The following MAP3K19 variants were observed in gnomAD, a reference collection of about 807,000 sequenced individuals.
The protein encoded by MAP3K19 is SPS1/STE20-related protein kinase YSK4.
A neutral mutation model predicts 114.4 loss-of-function variants in MAP3K19; 91 were observed. The observed-to-expected ratio is 0.80, with a 90% confidence interval of 0.67 to 0.95. The LOEUF is 0.95. MAP3K19 is among the 40% of genes least tolerant of loss of function. MAP3K19 has a pLI of 0.00. For synonymous variants in MAP3K19, 518 were observed against 530.5 expected (o/e 0.98, Z 0.32); for missense variants, 1,471 against 1,573.2 (o/e 0.94, Z 1.10).
At chr2:134,979,039 C>G (rs1684437824) in intron 12 of MAP3K19, among the ~76,000 whole-genome samples, 1 of 152,168 alleles carries the variant, frequency 6.6e-6, no homozygotes, top group Admixed American at 6.6e-5. Flanking sequence ...TTTAGACTTT[C>G]CCTAGTCTAT....
At chr2:135,023,478 C>T (rs375090886) in intron 4 of MAP3K19, 1 of 533,466 alleles carries the variant, frequency 1.9e-6, no homozygotes, top group African/African-American at 1.9e-5. Context: ...TCCTTTCCCA[C>T]AAGCCCAGTC....
At chr2:135,028,851 T>A (rs1221372187) in intron 3 of MAP3K19, among the ~76,000 whole-genome samples, 1 of 152,072 alleles carries the variant, frequency 6.6e-6, no homozygotes, top group African/African-American at 2.4e-5. Context: ...TTCAGCAGGG[T>A]ACTGTGGGAA....
chr2:135,023,003 A>G (rs888668176), intron 4 of MAP3K19, among the ~76,000 whole-genome samples: 3 of 152,164 alleles, frequency 2.0e-5, no homozygotes, highest in Non-Finnish European at 4.4e-5. Flanking sequence ...CCCTCCTGCT[A>G]TCCTGGCTTC....
In MAP3K19 at chr2:134,964,603, C is replaced by A; in HGVS notation, c.*247G>T. ...GAATGTAGTTCCTGGACAATCAAAACTGTAAACACTGAAATAGTTTTTTGT... is the reference window on the plus strand; with the variant it reads ...GAATGTAGTTCCTGGACAATCAAAAATGTAAACACTGAAATAGTTTTTTGT... On this transcript the variant is annotated 3_prime_UTR_variant, in exon 13 of 13. Coordinates refer to ENST00000392915, the MANE Select transcript of MAP3K19 (RefSeq NM_025052.5). The A allele has an allele frequency of 3.3e-6, 1 of 305,540 alleles. No homozygotes were observed. The allele number at this position is 305,540 out of a possible 1,614,324, so 18.9% of individuals were successfully genotyped here. A position where few individuals can be genotyped will look rare whatever the true frequency, so the allele number is the denominator to read the frequency against.
intron 12 of MAP3K19, among the ~76,000 whole-genome samples, chr2:134,976,405 C>A (rs1053178529): frequency 3.3e-5 from 5 of 152,240 alleles, no homozygotes; most frequent in African/African-American, 1.2e-4. Context: ...TCACCCTTTC[C>A]CCACACTAGG....
chr2:135,016,570 T>G (rs1687597310), intron 5 of MAP3K19, among the ~76,000 whole-genome samples: 1 of 152,212 alleles, frequency 6.6e-6, no homozygotes, highest in Non-Finnish European at 1.5e-5. Context: ...TGATTGGGAC[T>G]GTGTTGAATC....
In MAP3K19 at chr2:135,045,474, G is replaced by T. The variant is rs757184197; in HGVS notation, c.-424+1711C>A. Among the ~76,000 whole-genome samples, 17 of 152,038 alleles carry T rather than the reference G, an allele frequency of 1.1e-4. No homozygotes were observed. The East Asian group carries it at 2.3e-3, about 21-fold the overall frequency. On this transcript the variant is annotated intron_variant, in intron 1 of 12. Coordinates refer to ENST00000392915, the MANE Select transcript of MAP3K19 (RefSeq NM_025052.5). ...CAGGATCATTTCAGGGGGAAAAAAG[G>T]TTTTCCGAAACAAAGGATAATTAAA...
At chr2:135,021,603 T>C in intron 5 of MAP3K19, 112 bp downstream of exon 5, 1 of 616,020 alleles carries the variant, frequency 1.6e-6, no homozygotes, top group Non-Finnish European at 2.8e-6. Flanking sequence ...TTTTTATGAT[T>C]ACACTTAAAA....
At chr2:135,008,425 G>C (rs1424502574) in intron 5 of MAP3K19, among the ~76,000 whole-genome samples, 1 of 152,014 alleles carries the variant, frequency 6.6e-6, no homozygotes, top group Non-Finnish European at 1.5e-5. Context: ...TCAGCCAATA[G>C]TACTTCTTTA....
chr2:134,966,368 C>T (rs1045821337), intron 12 of MAP3K19, among the ~76,000 whole-genome samples: 2 of 150,982 alleles, frequency 1.3e-5, no homozygotes, highest in Non-Finnish European at 3.0e-5. Context: ...CCCAACAGTA[C>T]GTGAGTTTCC....
At chr2:135,029,708 G>T (rs1688337247) in intron 3 of MAP3K19, among the ~76,000 whole-genome samples, 1 of 152,148 alleles carries the variant, frequency 6.6e-6, no homozygotes, top group African/African-American at 2.4e-5. Flanking sequence ...CTCTTTGAAG[G>T]TAAATGCCAA....
chr2:135,017,914 A>G (rs575290956), intron 5 of MAP3K19, among the ~76,000 whole-genome samples: 1 of 152,344 alleles, frequency 6.6e-6, no homozygotes, highest in East Asian at 1.9e-4. Flanking sequence ...ACTAAAAATG[A>G]CAAAACGGTA....
chr2:134,981,437 C>T lies in MAP3K19; in HGVS notation c.3304G>A (p.Glu1102Lys). The T allele has an allele frequency of 6.2e-7, 1 of 1,614,230 alleles. No homozygotes were observed. Among genetic ancestry groups the T allele is most frequent in the Non-Finnish European group, 8.5e-7 (1 of 1,180,052 alleles). Residue 1102 changes from glutamate (E) to lysine (K), a missense_variant, in exon 12 of 13, where the codon GAA becomes AAA. Glu to Lys is a moderately conservative substitution (Grantham distance 56, BLOSUM62 1). Coordinates refer to ENST00000392915, the MANE Select transcript of MAP3K19 (RefSeq NM_025052.5). The stretch of plus-strand genomic sequence containing the variant: ...TCCTGTAGTTTCCGGTATTCCTTTT[C>T]AGCAGCTAATTTATTAGAGGTATCC... ...ALDTSNKLAA[E>K]KEYRKLQEEV...
At chr2:135,039,353 C>T (rs546026004) in intron 2 of MAP3K19, among the ~76,000 whole-genome samples, 1 of 151,072 alleles carries the variant, frequency 6.6e-6, no homozygotes, top group South Asian at 2.1e-4. Flanking sequence ...GAGGCTGAGG[C>T]GTGTGGATCT....
At chr2:134,973,429 A>G (rs1174012927) in intron 12 of MAP3K19, among the ~76,000 whole-genome samples, 2 of 152,164 alleles carry the variant, frequency 1.3e-5, no homozygotes, top group Admixed American at 6.5e-5. Context: ...TGATATGAAT[A>G]TAGCTACTCA....
At position 134,981,022 on chromosome 2, in the gene MAP3K19, T is replaced by C. The variant is rs747347097; in HGVS notation, c.3719A>G (p.Asn1240Ser). The change falls in exon 12 of 13, where the codon AAT becomes AGT. Residue 1240 changes from asparagine (N) to serine (S), a missense_variant. Transcript: ENST00000392915. ...TPYWMAPEVI[N>S]ESGYGRKSDI... ...TGATTTCCGTCCATAGCCAGACTCA[T>C]TGATGACTTCTGGGGCCATCCAATA... 8.1e-6 allele frequency: 13 copies of C among 1,614,112 alleles called. No homozygotes were observed. Among genetic ancestry groups the C allele is most frequent in the African/African-American group, 2.7e-5 (2 of 74,934 alleles).
At position 134,986,545 on chromosome 2, in the gene MAP3K19, A is replaced by T. The variant is rs770862243; in HGVS notation, c.2327T>A (p.Phe776Tyr). 8.1e-6 allele frequency: 13 copies of T among 1,614,010 alleles called. No individual in the cohort carries two copies. The highest frequency in any genetic ancestry group is 9.3e-6 in the Non-Finnish European group (11 of 1,180,014). ...ATGAATTTCATCTTTGGAAGATAGA[A>T]ACTCATTTCCTGAAGACTTTATCTG... ...DWQIKSSGNE[F>Y]LSSKDEIHPM... The change falls in exon 10 of 13, where the codon TTT (phenylalanine) becomes TAT (tyrosine). Residue 776 changes from phenylalanine (F) to tyrosine (Y), a missense_variant. Transcript: ENST00000392915.
chr2:134,984,907 G>A (rs544455482), intron 10 of MAP3K19, among the ~76,000 whole-genome samples: 2 of 152,276 alleles, frequency 1.3e-5, no homozygotes, highest in South Asian at 2.1e-4. Flanking sequence ...AGCCGAGATC[G>A]CAGCACTGCG....
At chr2:135,008,910 C>G (rs1369431943) in intron 5 of MAP3K19, among the ~76,000 whole-genome samples, 3 of 152,018 alleles carry the variant, frequency 2.0e-5, no homozygotes, top group African/African-American at 7.2e-5. Context: ...TCCTGAGTAG[C>G]TGGAACTATA....
Sources: gnomAD v4.1 joint callset for allele counts (sites outside exome capture counted in the v4.1 genomes callset) on GRCh38, gnomAD v4.1.1 for gene constraint, MANE v1.5 for transcripts, NCBI Gene and HGNC (gene_info 2026-07-23, HGNC 2026-07-21) for gene names.